The following WWOX variants were observed in gnomAD, a reference collection of about 807,000 sequenced individuals.
WWOX encodes the protein WW domain containing oxidoreductase.
In WWOX, 69 loss-of-function variants were observed where a neutral mutation model predicts 46.2. The ratio of observed to expected loss-of-function variants is 1.49; its 90% CI spans 1.23 to 1.82. WWOX has a LOEUF of 1.82. WWOX is among the 40% of genes most tolerant of loss of function. The pLI is 0.00. For synonymous variants in WWOX, 359 were observed against 202.6 expected (o/e 1.77, Z -6.56); for missense variants, 919 against 542.6 (o/e 1.69, Z -6.89).
intron 8 of WWOX, among the ~76,000 whole-genome samples, chr16:78,497,924 T>C (rs9940348): frequency 0.75 from 112,995 of 150,622 alleles, 44,738 homozygotes; most frequent in Admixed American, 0.87. Context: ...ATCAGGGGGC[T>C]GGGAGCAGTA....
chr16:78,802,892 G>C (rs1597637129), intron 8 of WWOX, among the ~76,000 whole-genome samples: 1 of 120,828 alleles, frequency 8.3e-6, no homozygotes, highest in Middle Eastern at 6.8e-3. Flanking sequence ...CTCCAGCCTG[G>C]GTCACAGAGC....
At chr16:78,775,346 C>A (rs910306042) in intron 8 of WWOX, among the ~76,000 whole-genome samples, 4 of 152,144 alleles carry the variant, frequency 2.6e-5, no homozygotes, top group African/African-American at 4.8e-5. Flanking sequence ...CCCCTCCCCA[C>A]CCCCACGAAC....
intron 5 of WWOX, among the ~76,000 whole-genome samples, chr16:78,354,285 G>A (rs1420938218): frequency 1.3e-5 from 2 of 149,620 alleles, no homozygotes; most frequent in South Asian, 2.1e-4. Context: ...GGCATAGGGA[G>A]AAGACAGTGT....
intron 5 of WWOX, among the ~76,000 whole-genome samples, chr16:78,271,105 T>C (rs189956739): frequency 1.7e-3 from 260 of 152,356 alleles, no homozygotes; most frequent in African/African-American, 6.1e-3. Context: ...AGCTAATTAC[T>C]TTAAATTGTG....
chr16:78,250,202 C>G (rs115334585), intron 5 of WWOX, among the ~76,000 whole-genome samples: 229 of 152,316 alleles, frequency 1.5e-3, no homozygotes, highest in African/African-American at 5.0e-3. Context: ...AAAACACACA[C>G]AGATCATTTC....
At chr16:78,626,654 G>T (rs985893593) in intron 8 of WWOX, among the ~76,000 whole-genome samples, 1 of 152,106 alleles carries the variant, frequency 6.6e-6, no homozygotes, top group Non-Finnish European at 1.5e-5. Context: ...TTTCCACACT[G>T]CTGCCTTTGG....
At chr16:78,313,339 A>G (rs1056559495) in intron 5 of WWOX, among the ~76,000 whole-genome samples, 1 of 152,174 alleles carries the variant, frequency 6.6e-6, no homozygotes, top group Non-Finnish European at 1.5e-5. Context: ...GGCTTATAGC[A>G]AGTGTTCAGA....
chr16:78,823,449 A>C (rs559931892), intron 8 of WWOX, among the ~76,000 whole-genome samples: 2 of 152,344 alleles, frequency 1.3e-5, no homozygotes, highest in East Asian at 3.9e-4. Flanking sequence ...ATCATCGCTT[A>C]TCATCACCTG....
At chr16:78,857,250 C>G (rs985618453) in intron 8 of WWOX, among the ~76,000 whole-genome samples, 1 of 152,036 alleles carries the variant, frequency 6.6e-6, no homozygotes, top group Non-Finnish European at 1.5e-5. Flanking sequence ...AAAGAATTGG[C>G]AAACATGAAA....
intron 8 of WWOX, among the ~76,000 whole-genome samples, chr16:78,671,431 T>C (rs1014740679): frequency 1.3e-5 from 2 of 152,240 alleles, no homozygotes; most frequent in East Asian, 3.9e-4. Flanking sequence ...TCTCAAAAAT[T>C]AAAAAATAAA....
At chr16:78,968,386 G>C (rs1468789570) in intron 8 of WWOX, among the ~76,000 whole-genome samples, 1 of 151,996 alleles carries the variant, frequency 6.6e-6, no homozygotes, top group African/African-American at 2.4e-5. Context: ...GAGATAAATT[G>C]TCATTGCTAA....
At chr16:78,521,084 C>G (rs895654728) in intron 8 of WWOX, among the ~76,000 whole-genome samples, 6 of 152,198 alleles carry the variant, frequency 3.9e-5, no homozygotes, top group Non-Finnish European at 8.8e-5. Context: ...TTCTGTTTAA[C>G]TGCCCAGTGA....
At chr16:79,175,137 C>A (rs2050775426) in intron 8 of WWOX, among the ~76,000 whole-genome samples, 1 of 152,142 alleles carries the variant, frequency 6.6e-6, no homozygotes, top group Non-Finnish European at 1.5e-5. Context: ...CTAGCTATGA[C>A]CCCATAAAAG....
chr16:78,962,929 A>G (rs1303690312), intron 8 of WWOX, among the ~76,000 whole-genome samples: 1 of 152,052 alleles, frequency 6.6e-6, no homozygotes, highest in Admixed American at 6.5e-5. Context: ...TTTACTCCTC[A>G]TTAGGTTGTG....
intron 8 of WWOX, among the ~76,000 whole-genome samples, chr16:79,068,036 C>A (rs1179621238): frequency 6.6e-6 from 1 of 151,982 alleles, no homozygotes; most frequent in Non-Finnish European, 1.5e-5. Flanking sequence ...TTTGCCTTGG[C>A]CATGGTCAGT....
In WWOX at chr16:78,557,689, ATTTTT is replaced by A. The variant is rs34068363; in HGVS notation, c.1056+124956_1056+124960del. 6.2e-5 allele frequency among the ~76,000 whole-genome samples: 6 copies of A among 96,638 alleles called. No homozygotes were observed. The South Asian group carries it at 1.1e-3, about 17-fold the overall frequency. 63.4% of individuals were successfully genotyped at this position (96,638 alleles called of 152,430 possible). ...CATAAGTGCATTCCTCTAGGGAAGG[ATTTTT>A]TTTTTTTTTTTTTTTTTTGAGACAG... On this transcript the variant is annotated intron_variant, in intron 8 of 8. Coordinates refer to ENST00000566780, the MANE Select transcript of WWOX (RefSeq NM_016373.4).
intron 8 of WWOX, among the ~76,000 whole-genome samples, chr16:78,489,427 G>A (rs1329644920): frequency 1.3e-5 from 2 of 152,052 alleles, no homozygotes; most frequent in Non-Finnish European, 2.9e-5. Context: ...ACATTTCAGT[G>A]TCTACAAAAT....
chr16:78,350,734 T>TCAATA (rs2151905812), intron 5 of WWOX, among the ~76,000 whole-genome samples: 1 of 121,546 alleles, frequency 8.2e-6, no homozygotes, highest in East Asian at 1.9e-4. Flanking sequence ...ACATTTTGGC[T>TCAATA]ATTGTGCATA....
At chr16:78,967,164 A>G (rs4888893) in intron 8 of WWOX, among the ~76,000 whole-genome samples, 83,501 of 151,782 alleles carry the variant, frequency 0.55, 23,701 homozygotes, top group East Asian at 0.91. Context: ...CCTCTCTGAG[A>G]AGCCCATCAG....
Sources: gnomAD v4.1 joint callset for allele counts (sites outside exome capture counted in the v4.1 genomes callset) on GRCh38, gnomAD v4.1.1 for gene constraint, MANE v1.5 for transcripts, NCBI Gene and HGNC (gene_info 2026-07-23, HGNC 2026-07-21) for gene names.